SPATA6: variants seen among roughly 807,000 people sequenced by gnomAD.
The protein encoded by SPATA6 is spermatogenesis-associated protein 6.
A neutral mutation model predicts 65.3 loss-of-function variants in SPATA6; 56 were observed. The observed-to-expected ratio is 0.86, with a 90% CI of 0.69 to 1.07. The LOEUF is 1.07. SPATA6 is among the 50% of genes least tolerant of loss of function. The pLI is 0.00. For missense variants in SPATA6, 590 were observed against 594.8 expected (o/e 0.99, Z 0.08); for synonymous variants, 199 against 213.2 (o/e 0.93, Z 0.58).
downstream of SPATA6, among the ~76,000 whole-genome samples, chr1:48,292,173 C>T (rs1644772518): frequency 6.6e-6 from 1 of 152,200 alleles, no homozygotes; most frequent in Non-Finnish European, 1.5e-5. Flanking sequence ...TGAAGCAGCA[C>T]TTACCTCTTC....
At chr1:48,339,740 T>C (rs1396074446) in intron 11 of SPATA6, among the ~76,000 whole-genome samples, 1 of 151,900 alleles carries the variant, frequency 6.6e-6, no homozygotes, top group Non-Finnish European at 1.5e-5. Flanking sequence ...AATAGAATGA[T>C]AAAAATTGGA....
At chr1:48,390,803 C>A (rs1170067495) in intron 8 of SPATA6, among the ~76,000 whole-genome samples, 1 of 152,164 alleles carries the variant, frequency 6.6e-6, no homozygotes, top group Non-Finnish European at 1.5e-5. Context: ...TCCCAAACCA[C>A]CTAATCCAGA....
At chr1:48,379,506 G>C (rs572538994) in intron 9 of SPATA6, among the ~76,000 whole-genome samples, 3 of 152,264 alleles carry the variant, frequency 2.0e-5, no homozygotes, top group Admixed American at 6.5e-5. Flanking sequence ...GTTGGTCAAA[G>C]GGTACAAAGT....
intron 11 of SPATA6, among the ~76,000 whole-genome samples, chr1:48,315,591 T>A (rs539494835): frequency 2.0e-5 from 3 of 152,272 alleles, no homozygotes; most frequent in African/African-American, 7.2e-5. Flanking sequence ...TCATACTGAA[T>A]GGGCAAAAAC....
At chr1:48,343,256 T>A (rs1646269297) in intron 11 of SPATA6, among the ~76,000 whole-genome samples, 2 of 152,090 alleles carry the variant, frequency 1.3e-5, no homozygotes, top group African/African-American at 4.8e-5. Context: ...TGGCCAAAGT[T>A]GAGCTTATTT....
chr1:48,334,170 G>C (rs1463785784), intron 11 of SPATA6, among the ~76,000 whole-genome samples: 10 of 151,952 alleles, frequency 6.6e-5, no homozygotes, highest in Non-Finnish European at 1.3e-4. Context: ...CCAAGAATCA[G>C]GTAGATTCAC....
chr1:48,370,048 T>C (rs1442277532), intron 9 of SPATA6, among the ~76,000 whole-genome samples: 4 of 152,200 alleles, frequency 2.6e-5, no homozygotes, highest in African/African-American at 4.8e-5. Flanking sequence ...GCTTACACAG[T>C]AAGTTGACAA....
the SPATA6 span, among the ~76,000 whole-genome samples, chr1:48,278,504 A>G: frequency 1.3e-5 from 2 of 152,228 alleles, no homozygotes; most frequent in Non-Finnish European, 2.9e-5. Context: ...GATGGAGCTG[A>G]AAGCCAAGGC....
chr1:48,264,306 C>T, the SPATA6 span, among the ~76,000 whole-genome samples: 1 of 152,140 alleles, frequency 6.6e-6, no homozygotes, highest in African/African-American at 2.4e-5. Context: ...GATTTCAACA[C>T]ACATTTCCAC....
At chr1:48,365,824 C>T (rs1440581095) in intron 9 of SPATA6, among the ~76,000 whole-genome samples, 2 of 152,152 alleles carry the variant, frequency 1.3e-5, no homozygotes, top group African/African-American at 2.4e-5. Context: ...GAACTTCCAA[C>T]ACTATGTTGA....
intron 10 of SPATA6, 146 bp from the exon 11 acceptor site, chr1:48,355,915 A>T (rs72893235): frequency 0.014 from 7,162 of 523,226 alleles, 166 homozygotes; most frequent in African/African-American, 0.066. Flanking sequence ...ATATCTGACC[A>T]TTTTAATGAT....
chr1:48,341,716 T>G (rs1646220795), intron 11 of SPATA6, among the ~76,000 whole-genome samples: 1 of 152,180 alleles, frequency 6.6e-6, no homozygotes, highest in South Asian at 2.1e-4. Flanking sequence ...ATTCCTGGGA[T>G]TGTAAAGAAG....
intron 9 of SPATA6, among the ~76,000 whole-genome samples, chr1:48,384,945 A>C (rs889770549): frequency 6.6e-6 from 1 of 152,236 alleles, no homozygotes; most frequent in African/African-American, 2.4e-5. Flanking sequence ...AAAGTTATAC[A>C]TACATATGCC....
At position 48,432,342 on chromosome 1, in the gene SPATA6, A is replaced by G. The variant is rs535266805; in HGVS notation, c.239-19191T>C. Among the ~76,000 whole-genome samples the G allele has an allele frequency of 2.6e-5, 4 of 152,284 alleles. No individual in the cohort carries two copies. In the East Asian group the frequency reaches 7.7e-4, roughly 29 times the overall value. On this transcript the variant is annotated intron_variant, in intron 3 of 12. Transcript: ENST00000371847. ...TTCGTGCATAAAAAGGCAGTTATCA[A>G]TGCAGTAAAAAGGCAATCCAAACAA...
At chr1:48,285,900 C>T in the SPATA6 span, among the ~76,000 whole-genome samples, 1 of 152,154 alleles carries the variant, frequency 6.6e-6, no homozygotes, top group African/African-American at 2.4e-5. Context: ...TTGCCAGCCA[C>T]CCCCCAACAT....
Position 48,362,612 on chromosome 1 carries a change from A to G in SPATA6, c.910-2842T>C, listed in dbSNP as rs566735304. Among the ~76,000 whole-genome samples the G allele has an allele frequency of 2.0e-5, 3 of 152,278 alleles. No homozygotes were observed. In the East Asian group the frequency reaches 5.8e-4, roughly 29 times the overall value. On this transcript the variant is annotated intron_variant, in intron 9 of 12. Coordinates refer to ENST00000371847, the MANE Select transcript of SPATA6 (RefSeq NM_019073.4). ...CAGGGCATATACAGAAGGATAAATG[A>G]CAATAAGATATGCTGAAGTGTCAAA...
At chr1:48,282,577 TG>T in the SPATA6 span, among the ~76,000 whole-genome samples, 24 of 151,960 alleles carry the variant, frequency 1.6e-4, no homozygotes, top group Non-Finnish European at 2.9e-4. Context: ...ACAAAACACA[TG>T]AAAAAATGCT....
intron 10 of SPATA6, 98 bp from the exon 11 acceptor site, chr1:48,355,867 T>G: frequency 3.4e-6 from 3 of 887,860 alleles, no homozygotes; most frequent in Non-Finnish European, 5.3e-6. Flanking sequence ...CAAATAGTCT[T>G]AATAAAGGTT....
At chr1:48,457,548 C>T (rs964441106) in intron 1 of SPATA6, among the ~76,000 whole-genome samples, 14 of 152,166 alleles carry the variant, frequency 9.2e-5, no homozygotes, top group Non-Finnish European at 1.6e-4. Context: ...GTAAGATTAA[C>T]GGCTGATTTC....
Sources: allele counts gnomAD v4.1 joint callset (sites outside exome capture counted in the v4.1 genomes callset), GRCh38; gene constraint gnomAD v4.1.1; transcripts MANE v1.5; gene names NCBI Gene and HGNC (gene_info 2026-07-23, HGNC 2026-07-21).